RAPGEF5: variants seen among roughly 807,000 people sequenced by gnomAD.
RAPGEF5 encodes M-Ras-regulated GEF.
A neutral mutation model predicts 125.2 loss-of-function variants in RAPGEF5; 65 were observed. The observed-to-expected ratio is 0.52, with a 90% confidence interval of 0.43 to 0.64. The LOEUF is 0.64. Among genes scored for constraint, RAPGEF5 ranks in the 30% least tolerant of loss-of-function variants. RAPGEF5 has a pLI of 0.00. For missense variants in RAPGEF5, 958 were observed against 1,048.1 expected, an observed-to-expected ratio of 0.91 and a Z score of 1.19; for synonymous variants, 391 against 385.9, an observed-to-expected ratio of 1.01 and a Z score of -0.16.
At chr7:22,238,744 G>A (rs1263452531) in intron 7 of RAPGEF5, among the ~76,000 whole-genome samples, 1 of 152,194 alleles carries the variant, frequency 6.6e-6, no homozygotes, top group African/African-American at 2.4e-5. Context: ...TTATACCAGT[G>A]ATGTTGTAAG....
intron 9 of RAPGEF5, among the ~76,000 whole-genome samples, chr7:22,204,049 A>G (rs1302367694): frequency 2.0e-5 from 3 of 152,214 alleles, no homozygotes; most frequent in African/African-American, 7.2e-5. Flanking sequence ...GGTTGCAGAT[A>G]TATTTGTCCC....
At chr7:22,124,794 T>C (rs970759137) in intron 25 of RAPGEF5, among the ~76,000 whole-genome samples, 1 of 152,226 alleles carries the variant, frequency 6.6e-6, no homozygotes, top group Non-Finnish European at 1.5e-5. Flanking sequence ...ACAGGATCTG[T>C]AGAGGGCAAA....
intron 20 of RAPGEF5, among the ~76,000 whole-genome samples, chr7:22,141,395 T>C (rs1170897799): frequency 6.6e-6 from 1 of 152,232 alleles, no homozygotes; most frequent in Non-Finnish European, 1.5e-5. Context: ...CCCAGCTGCA[T>C]ACATAGTGTA....
At chr7:22,338,046 T>C (rs1267493383) in intron 1 of RAPGEF5, among the ~76,000 whole-genome samples, 2 of 152,230 alleles carry the variant, frequency 1.3e-5, no homozygotes, top group Non-Finnish European at 2.9e-5. Context: ...GTCAGTAGCA[T>C]AATTGCTCAG....
At chr7:22,349,166 G>A (rs1042709184) in intron 1 of RAPGEF5, among the ~76,000 whole-genome samples, 1 of 151,176 alleles carries the variant, frequency 6.6e-6, no homozygotes, top group East Asian at 1.9e-4. Flanking sequence ...GCTCACACCT[G>A]TAATCCCAGC....
chr7:22,241,420 G>A (rs1786328166), intron 7 of RAPGEF5, among the ~76,000 whole-genome samples: 1 of 152,080 alleles, frequency 6.6e-6, no homozygotes, highest in African/African-American at 2.4e-5. Flanking sequence ...GGCAGTCCAA[G>A]ATAAGTCCAG....
chr7:22,333,530 T>C (rs535133578), intron 1 of RAPGEF5, among the ~76,000 whole-genome samples: 1 of 152,320 alleles, frequency 6.6e-6, no homozygotes, highest in South Asian at 2.1e-4. Context: ...AGAGTATTTA[T>C]TACAGGAATC....
At chr7:22,264,221 C>T (rs536167790) in intron 7 of RAPGEF5, among the ~76,000 whole-genome samples, 55 of 152,236 alleles carry the variant, frequency 3.6e-4, no homozygotes, top group African/African-American at 1.3e-3. Context: ...GCCAGACCTC[C>T]AGTCATATAA....
chr7:22,122,547 C>A (rs1249404620), intron 25 of RAPGEF5, 26 bp from the exon 26 acceptor site: 2 of 1,528,880 alleles, frequency 1.3e-6, no homozygotes, highest in South Asian at 1.1e-5. Flanking sequence ...GGAAAAAAGA[C>A]AATCTCAGGA....
At chr7:22,340,133 G>A (rs1784098254) in intron 1 of RAPGEF5, among the ~76,000 whole-genome samples, 1 of 152,154 alleles carries the variant, frequency 6.6e-6, no homozygotes, top group African/African-American at 2.4e-5. Context: ...TCCAAATGGA[G>A]CCCTCAGCTG....
intron 6 of RAPGEF5, among the ~76,000 whole-genome samples, chr7:22,271,194 T>A (rs896713223): frequency 1.2e-4 from 18 of 152,164 alleles, no homozygotes; most frequent in African/African-American, 3.9e-4. Context: ...AAAAAAATAC[T>A]GATATTTAGG....
At chr7:22,188,711 A>G (rs1207242965) in intron 11 of RAPGEF5, among the ~76,000 whole-genome samples, 1 of 149,604 alleles carries the variant, frequency 6.7e-6, no homozygotes, top group East Asian at 2.0e-4. Context: ...GGTTGCAGTG[A>G]GCCGAGATCG....
chr7:22,206,709 T>G (rs940552064), intron 9 of RAPGEF5, among the ~76,000 whole-genome samples: 1 of 145,302 alleles, frequency 6.9e-6, no homozygotes, highest in African/African-American at 2.5e-5. Context: ...AAAAAAGAGG[T>G]CTGAGTGAAA....
chr7:22,322,563 C>T (rs1452867788), intron 1 of RAPGEF5, among the ~76,000 whole-genome samples: 5 of 152,142 alleles, frequency 3.3e-5, no homozygotes, highest in African/African-American at 1.2e-4. Context: ...GTTAAGAAAT[C>T]TGCCCGTTTG....
chr7:22,320,993 ATTCCT>A (rs1783704204), intron 1 of RAPGEF5, among the ~76,000 whole-genome samples: 1 of 152,192 alleles, frequency 6.6e-6, no homozygotes, highest in Non-Finnish European at 1.5e-5. Flanking sequence ...CAAAGTGATG[ATTCCT>A]TTATCCTATG....
Position 22,278,535 on chromosome 7 carries a change from G to T in RAPGEF5, c.748-11523C>A, listed in dbSNP as rs116252701. Among the ~76,000 whole-genome samples, 1,461 of 151,928 alleles carry T rather than the reference G, an allele frequency of 9.6e-3. 22 individuals are homozygous for T. The highest frequency in any genetic ancestry group is 0.034 in the African/African-American group (1,398 of 41,418). ...AGGAAAAATCATCCCCAGTCCCAGT[G>T]TCCAAAGAGCTAATCCTAAATTCAC... is the stretch of plus-strand genomic sequence containing the variant. On this transcript the variant is annotated intron_variant, in intron 6 of 25. Coordinates refer to ENST00000665637, the MANE Select transcript of RAPGEF5 (RefSeq NM_012294.5).
intron 5 of RAPGEF5, chr7:22,298,771 C>A (rs762576303): frequency 6.6e-6 from 1 of 152,194 alleles, no homozygotes; most frequent in African/African-American, 2.4e-5. Context: ...AGGGCATCAA[C>A]TACAAATTCA....
chr7:22,341,116 A>G (rs1784120178), intron 1 of RAPGEF5, among the ~76,000 whole-genome samples: 1 of 152,198 alleles, frequency 6.6e-6, no homozygotes, highest in African/African-American at 2.4e-5. Context: ...AGGACTGGGC[A>G]ATTTACAAAA....
chr7:22,281,784 G>T (rs143736485), intron 6 of RAPGEF5, among the ~76,000 whole-genome samples: 77 of 152,302 alleles, frequency 5.1e-4, no homozygotes, highest in Middle Eastern at 3.4e-3. Flanking sequence ...ATCTGACAAA[G>T]ATGTTACTAC....
Sources: gnomAD v4.1 joint callset for allele counts (sites outside exome capture counted in the v4.1 genomes callset) on GRCh38, gnomAD v4.1.1 for gene constraint, MANE v1.5 for transcripts, NCBI Gene and HGNC (gene_info 2026-07-23, HGNC 2026-07-21) for gene names.